Variants in TMEM135 observed in about 807,000 individuals in gnomAD.
The protein encoded by TMEM135 is peroxisomal membrane protein 52.
In TMEM135, 30 loss-of-function variants were observed where a neutral mutation model predicts 60.3. That is an observed-to-expected ratio of 0.50 (90% CI 0.37 to 0.68). The LOEUF (loss-of-function observed/expected upper bound fraction) is 0.68. TMEM135 is among the 30% of genes least tolerant of loss of function. TMEM135 has a pLI of 0.00. For synonymous variants in TMEM135, 190 were observed against 186.7 expected (o/e 1.02, Z -0.14); for missense variants, 468 against 548.8 (o/e 0.85, Z 1.47).
intron 5 of TMEM135, among the ~76,000 whole-genome samples, chr11:87,172,011 G>A (rs895898664): frequency 2.6e-5 from 4 of 152,102 alleles, no homozygotes; most frequent in Non-Finnish European, 4.4e-5. Context: ...ACAAGCCAGG[G>A]ACCAGTACCT....
At chr11:87,125,978 A>G (rs887618258) in intron 4 of TMEM135, among the ~76,000 whole-genome samples, 1 of 152,220 alleles carries the variant, frequency 6.6e-6, no homozygotes, top group South Asian at 2.1e-4. Flanking sequence ...CCTGGAACAT[A>G]TACCTTTTAT....
At chr11:87,168,585 G>C (rs1939134942) in intron 5 of TMEM135, among the ~76,000 whole-genome samples, 1 of 152,162 alleles carries the variant, frequency 6.6e-6, no homozygotes, top group African/African-American at 2.4e-5. Context: ...ACAGGAGCAG[G>C]TTGTTCAGTT....
chr11:87,240,009 A>G (rs1410872894), intron 6 of TMEM135, among the ~76,000 whole-genome samples: 1 of 152,118 alleles, frequency 6.6e-6, no homozygotes, highest in African/African-American at 2.4e-5. Flanking sequence ...AGTAAGGCTT[A>G]CGTTCAAATG....
chr11:87,229,296 C>A (rs372797605), intron 5 of TMEM135, among the ~76,000 whole-genome samples: 1 of 151,662 alleles, frequency 6.6e-6, no homozygotes. Context: ...ATAAAGCATA[C>A]GAAAAAGTAG....
At chr11:87,085,518 A>G (rs1464162256) in intron 3 of TMEM135, among the ~76,000 whole-genome samples, 1 of 152,170 alleles carries the variant, frequency 6.6e-6, no homozygotes, top group Admixed American at 6.5e-5. Context: ...GCACTTTGGG[A>G]GGCCGAGGAG....
At chr11:87,132,359 T>C (rs1937957339) in intron 4 of TMEM135, among the ~76,000 whole-genome samples, 1 of 152,150 alleles carries the variant, frequency 6.6e-6, no homozygotes, top group South Asian at 2.1e-4. Context: ...TTAAAAATTA[T>C]TATTGTTATT....
intron 5 of TMEM135, among the ~76,000 whole-genome samples, chr11:87,167,128 A>G (rs1939075413): frequency 6.6e-6 from 1 of 152,060 alleles, no homozygotes; most frequent in Non-Finnish European, 1.5e-5. Flanking sequence ...AATGTGTAGG[A>G]ATGCTTGTGA....
At chr11:87,135,590 C>T (rs1019869802) in intron 4 of TMEM135, among the ~76,000 whole-genome samples, 3 of 149,958 alleles carry the variant, frequency 2.0e-5, no homozygotes, top group Non-Finnish European at 4.4e-5. Flanking sequence ...ATCTCTTTCA[C>T]TGATCTATTA....
intron 5 of TMEM135, among the ~76,000 whole-genome samples, chr11:87,212,893 A>G (rs1394708849): frequency 1.3e-5 from 2 of 151,910 alleles, no homozygotes; most frequent in Non-Finnish European, 2.9e-5. Context: ...TTTAATAAAA[A>G]TTAATATACA....
At chr11:87,314,959 A>G (rs987632957) in intron 12 of TMEM135, among the ~76,000 whole-genome samples, 1 of 151,898 alleles carries the variant, frequency 6.6e-6, no homozygotes, top group African/African-American at 2.4e-5. Flanking sequence ...CAACAATACC[A>G]CAGTATCATT....
chr11:87,038,208 G>A, intron 1 of TMEM135, 22 bp downstream of exon 1: 3 of 1,613,790 alleles, frequency 1.9e-6, no homozygotes, highest in South Asian at 1.1e-5. Context: ...CACCCGTCCC[G>A]CAGGGCGAGT....
chr11:87,242,421 C>T (rs9735364), intron 6 of TMEM135, among the ~76,000 whole-genome samples: 2 of 114,890 alleles, frequency 1.7e-5, no homozygotes, highest in African/African-American at 6.8e-5. Flanking sequence ...CCTGAGGAAT[C>T]GCCACACTGA....
chr11:87,074,928 C>G (rs1281387468), intron 3 of TMEM135, among the ~76,000 whole-genome samples: 2 of 152,032 alleles, frequency 1.3e-5, no homozygotes, highest in Non-Finnish European at 2.9e-5. Flanking sequence ...GTATTTCTTT[C>G]TTTTCCTTTT....
At chr11:87,292,249 T>C (rs1279209007) in intron 6 of TMEM135, among the ~76,000 whole-genome samples, 1 of 150,356 alleles carries the variant, frequency 6.7e-6, no homozygotes, top group East Asian at 1.9e-4. Flanking sequence ...TGTTTTGTTT[T>C]ATTTTGTTTT....
intron 6 of TMEM135, among the ~76,000 whole-genome samples, chr11:87,264,307 C>CTTTTTTTTT (rs145849024): frequency 1.4e-5 from 2 of 146,642 alleles, no homozygotes; most frequent in Non-Finnish European, 3.0e-5. Context: ...TGTTCTTTTT[C>CTTTTTTTTT]TTTTCTTTTT....
rs182386077 is a variant in TMEM135, at chr11:87,263,080, G to A, written c.509+26396G>A. ...CGTAATTACATTAAGAAGTACAACT[G>A]ACATGAACACATTTGGGGACAAATA... On this transcript the variant is annotated intron_variant, in intron 6 of 14. Transcript: ENST00000305494. Among the ~76,000 whole-genome samples the A allele has an allele frequency of 2.4e-4, 37 of 152,112 alleles. No homozygotes were observed. The East Asian group carries it at 6.0e-3, about 25-fold the overall frequency.
intron 5 of TMEM135, among the ~76,000 whole-genome samples, chr11:87,185,341 C>T (rs1443248258): frequency 2.6e-5 from 4 of 151,980 alleles, no homozygotes; most frequent in African/African-American, 9.7e-5. Context: ...TGGTTGGTTC[C>T]CCCCTCATCC....
At chr11:87,304,560 G>C (rs933602706) in intron 8 of TMEM135, among the ~76,000 whole-genome samples, 10 of 152,170 alleles carry the variant, frequency 6.6e-5, no homozygotes, top group Admixed American at 1.3e-4. Flanking sequence ...CACATGGCCA[G>C]ATATGCCTTA....
chr11:87,183,564 A>C (rs1427916369), intron 5 of TMEM135, among the ~76,000 whole-genome samples: 3 of 152,146 alleles, frequency 2.0e-5, no homozygotes, highest in Non-Finnish European at 4.4e-5. Flanking sequence ...ATTGCGGTTA[A>C]ATTGTCTGAT....
Sources: allele counts gnomAD v4.1 joint callset (sites outside exome capture counted in the v4.1 genomes callset), GRCh38; gene constraint gnomAD v4.1.1; transcripts MANE v1.5; gene names NCBI Gene and HGNC (gene_info 2026-07-23, HGNC 2026-07-21).